NARS2: variants seen among roughly 807,000 people sequenced by gnomAD.
NARS2 encodes the protein asparaginyl-tRNA synthetase 2, mitochondrial.
NARS2 carries 60 observed loss-of-function variants against 62.9 expected under a neutral mutation model. The ratio of observed to expected loss-of-function variants is 0.95; its 90% CI spans 0.77 to 1.18. The LOEUF (loss-of-function observed/expected upper bound fraction) is 1.18. NARS2 is among the 50% of genes most tolerant of loss of function. The probability of loss-of-function intolerance (pLI) is 0.00; values close to 1 mark genes in which losing one functional copy is unlikely to be tolerated. For missense variants in NARS2, 619 were observed against 576.4 expected (o/e 1.07, Z -0.76); for synonymous variants, 196 against 200.0 (o/e 0.98, Z 0.17).
intron 6 of NARS2, among the ~76,000 whole-genome samples, chr11:78,503,563 T>G (rs533709192): frequency 6.6e-6 from 1 of 152,314 alleles, no homozygotes; most frequent in South Asian, 2.1e-4. Context: ...AATTACCACT[T>G]ATGATTGAAA....
At chr11:78,498,199 G>A (rs1860137686) in intron 6 of NARS2, among the ~76,000 whole-genome samples, 1 of 152,182 alleles carries the variant, frequency 6.6e-6, no homozygotes, top group African/African-American at 2.4e-5. Context: ...ATGGTGGAAA[G>A]GACCAGAACA....
chr11:78,482,572 C>A (rs1013700794), intron 7 of NARS2, among the ~76,000 whole-genome samples: 2 of 152,130 alleles, frequency 1.3e-5, no homozygotes, highest in African/African-American at 4.8e-5. Context: ...CACCACAGAT[C>A]CCATAGAAAT....
chr11:78,497,391 A>T lies in NARS2; in HGVS notation c.690-4196T>A, dbSNP rs534285091. 1.4e-4 allele frequency among the ~76,000 whole-genome samples: 22 copies of T among 152,268 alleles called. No homozygotes were observed. The East Asian group carries it at 4.2e-3, about 29-fold the overall frequency. The stretch of plus-strand genomic sequence containing the variant: ...TTTCTGGCCCTGAAATTTCACAGTG[A>T]ATCTTAACATTTTGAAAGAACAGAG... On this transcript the variant is annotated intron_variant, in intron 6 of 13. Coordinates refer to ENST00000281038, the MANE Select transcript of NARS2 (RefSeq NM_024678.6).
chr11:78,514,433 T>C (rs537000032), intron 6 of NARS2, among the ~76,000 whole-genome samples: 87 of 152,300 alleles, frequency 5.7e-4, no homozygotes, highest in African/African-American at 2.1e-3. Flanking sequence ...GGTATTTCTT[T>C]ATAGCAGTGC....
chr11:78,464,013 C>A (rs919243415), intron 11 of NARS2, among the ~76,000 whole-genome samples: 27 of 152,296 alleles, frequency 1.8e-4, no homozygotes, highest in African/African-American at 6.5e-4. Context: ...CGGACCCTCA[C>A]GGTGAGTGTT....
At chr11:78,448,130 CA>C (rs540409427) in intron 11 of NARS2, among the ~76,000 whole-genome samples, 2 of 152,098 alleles carry the variant, frequency 1.3e-5, no homozygotes, top group Non-Finnish European at 2.9e-5. Flanking sequence ...ATTGTATACA[CA>C]TATCAAAACA....
chr11:78,499,140 T>C (rs1860187407), intron 6 of NARS2, among the ~76,000 whole-genome samples: 1 of 151,944 alleles, frequency 6.6e-6, no homozygotes, highest in South Asian at 2.1e-4. Context: ...ATGGTCTTGA[T>C]CTCCTGACCT....
chr11:78,474,900 C>T (rs1233152363), intron 9 of NARS2, among the ~76,000 whole-genome samples: 1 of 151,368 alleles, frequency 6.6e-6, no homozygotes, highest in Admixed American at 6.5e-5. Context: ...TCTATCGTCT[C>T]ACATGCTTCA....
chr11:78,455,391 A>G (rs189331464), intron 11 of NARS2, among the ~76,000 whole-genome samples: 2 of 151,316 alleles, frequency 1.3e-5, no homozygotes, highest in African/African-American at 4.8e-5. Context: ...AAGTAAACTT[A>G]AAGTATAAAA....
chr11:78,516,048 G>C (rs924467155), intron 6 of NARS2, among the ~76,000 whole-genome samples: 1 of 152,086 alleles, frequency 6.6e-6, no homozygotes. Flanking sequence ...GGCTATAAAG[G>C]AACAACTTCT....
chr11:78,531,166 G>A (rs1308956570), intron 5 of NARS2, among the ~76,000 whole-genome samples: 1 of 152,092 alleles, frequency 6.6e-6, no homozygotes, highest in African/African-American at 2.4e-5. Flanking sequence ...AGAATCAATT[G>A]TGGGAACTCT....
rs190707166 is a variant in NARS2 at position 78,443,088 on chromosome 11, G to A, written c.1262+573C>T. On this transcript the variant is annotated intron_variant, in intron 12 of 13. Transcript: ENST00000281038. ...TGCCTGTAATCCCAGCACTCTGGGA[G>A]GCTGAGGCGGGCAGATCACGAGGTC... 7.9e-4 allele frequency among the ~76,000 whole-genome samples: 120 copies of A among 152,174 alleles called. 4 individuals are homozygous for A. In the East Asian group the frequency reaches 0.022, roughly 27 times the overall value.
chr11:78,536,650 T>A (rs887156025), intron 5 of NARS2, among the ~76,000 whole-genome samples: 4 of 152,132 alleles, frequency 2.6e-5, no homozygotes, highest in South Asian at 2.1e-4. Context: ...AAAAATATTT[T>A]AAAAAATTAA....
At chr11:78,501,499 A>G (rs1389616243) in intron 6 of NARS2, among the ~76,000 whole-genome samples, 1 of 152,204 alleles carries the variant, frequency 6.6e-6, no homozygotes, top group African/African-American at 2.4e-5. Flanking sequence ...AATGAAGAGT[A>G]TTAGTTCAGG....
chr11:78,452,580 A>T (rs756365496), intron 11 of NARS2, among the ~76,000 whole-genome samples: 4 of 150,668 alleles, frequency 2.7e-5, no homozygotes, highest in Non-Finnish European at 4.4e-5. Context: ...GGTTAATATT[A>T]TTTTTTTTTG....
chr11:78,533,736 A>G (rs1371751463), intron 5 of NARS2, among the ~76,000 whole-genome samples: 4 of 152,196 alleles, frequency 2.6e-5, no homozygotes, highest in African/African-American at 9.7e-5. Flanking sequence ...ACATACTGAC[A>G]TGTATCCACC....
chr11:78,540,449 C>T (rs897460460), intron 5 of NARS2, among the ~76,000 whole-genome samples: 9 of 149,864 alleles, frequency 6.0e-5, no homozygotes, highest in African/African-American at 2.2e-4. Flanking sequence ...TAGCAGTAAG[C>T]TGAACAGTGG....
chr11:78,513,240 A>G (rs1860780625), intron 6 of NARS2, among the ~76,000 whole-genome samples: 1 of 152,058 alleles, frequency 6.6e-6, no homozygotes, highest in Non-Finnish European at 1.5e-5. Flanking sequence ...ACGGAGTGAG[A>G]CTGTCTCAAA....
At chr11:78,476,263 G>C (rs1208514223) in intron 9 of NARS2, among the ~76,000 whole-genome samples, 1 of 152,206 alleles carries the variant, frequency 6.6e-6, no homozygotes, top group East Asian at 1.9e-4. Flanking sequence ...GTTGCTGTGA[G>C]CACTGCCCCA....
Sources: gnomAD v4.1 joint callset for allele counts (sites outside exome capture counted in the v4.1 genomes callset) on GRCh38, gnomAD v4.1.1 for gene constraint, MANE v1.5 for transcripts, NCBI Gene and HGNC (gene_info 2026-07-23, HGNC 2026-07-21) for gene names.